CTIF: variants seen among roughly 807,000 people sequenced by gnomAD.
CTIF encodes CBP80/20-dependent translation initiation factor.
In CTIF, 21 loss-of-function variants were observed where a neutral mutation model predicts 66.0. The observed-to-expected ratio is 0.32, with a 90% CI of 0.23 to 0.46. The LOEUF (loss-of-function observed/expected upper bound fraction) is 0.46, where lower values mean the gene tolerates loss of function less well. Among genes scored for constraint, CTIF ranks in the 20% least tolerant of loss-of-function variants. The pLI, the probability that CTIF is intolerant of heterozygous loss-of-function variation, is 1.00. For synonymous variants in CTIF, 345 were observed against 326.4 expected, an observed-to-expected ratio of 1.06 and a Z score of -0.62; for missense variants, 739 against 812.7, an observed-to-expected ratio of 0.91 and a Z score of 1.10.
intron 10 of CTIF, among the ~76,000 whole-genome samples, chr18:48,849,427 G>C (rs1568267881): frequency 2.6e-5 from 4 of 151,440 alleles, no homozygotes; most frequent in Admixed American, 2.0e-4. Context: ...TAAACTCCTG[G>C]ACTCAAGTGA....
At chr18:48,787,377 G>A (rs1911807471) in intron 9 of CTIF, among the ~76,000 whole-genome samples, 1 of 152,104 alleles carries the variant, frequency 6.6e-6, no homozygotes, top group South Asian at 2.1e-4. Context: ...GAGGGCAGGA[G>A]GAAGGGAGAG....
chr18:48,548,503 T>C (rs1428264462), intron 1 of CTIF, among the ~76,000 whole-genome samples: 5 of 152,212 alleles, frequency 3.3e-5, no homozygotes, highest in Admixed American at 6.5e-5. Context: ...TGTTCCTCCA[T>C]CTCCTTGATG....
chr18:48,714,489 G>T lies in CTIF; in HGVS notation c.584+2794G>T, dbSNP rs139376518. 3.0e-3 allele frequency among the ~76,000 whole-genome samples: 463 copies of T among 152,256 alleles called. 3 individuals carry two copies. Among genetic ancestry groups the T allele is most frequent in the African/African-American group, 0.011 (441 of 41,548 alleles). On this transcript the variant is annotated intron_variant, in intron 7 of 11. Transcript: ENST00000256413. Reference sequence around the variant, plus strand: ...TTTCCATCTTCCTGCAAAGTGGCTGGAGTTGGTGTCCGATAGCTGCAAACT... The same window carrying T: ...TTTCCATCTTCCTGCAAAGTGGCTGTAGTTGGTGTCCGATAGCTGCAAACT...
intron 1 of CTIF, among the ~76,000 whole-genome samples, chr18:48,573,101 G>A (rs551477152): frequency 3.9e-5 from 6 of 152,146 alleles, no homozygotes; most frequent in Non-Finnish European, 8.8e-5. Context: ...ACATGTGGCT[G>A]AAGCAGTCTT....
chr18:48,769,268 G>C (rs940905916), intron 9 of CTIF, among the ~76,000 whole-genome samples: 11 of 152,206 alleles, frequency 7.2e-5, no homozygotes, highest in African/African-American at 2.4e-4. Context: ...TCCAAAGCTT[G>C]AGCAAAAGCC....
At chr18:48,729,025 G>A (rs1455316728) in intron 7 of CTIF, among the ~76,000 whole-genome samples, 1 of 152,140 alleles carries the variant, frequency 6.6e-6, no homozygotes, top group African/African-American at 2.4e-5. Context: ...GGGTTTTTGT[G>A]TGTTCTGATT....
At chr18:48,766,730 T>C (rs541864646) in intron 9 of CTIF, among the ~76,000 whole-genome samples, 12 of 152,268 alleles carry the variant, frequency 7.9e-5, no homozygotes, top group African/African-American at 2.4e-4. Flanking sequence ...TGCTGAGCCA[T>C]GGGGGAAAAC....
Position 48,558,352 on chromosome 18 carries a change from G to A in CTIF, c.-29+19040G>A, listed in dbSNP as rs1599139423. On this transcript the variant is annotated intron_variant, in intron 1 of 11. Transcript: ENST00000256413. ...ATAAAAAGTCAGTACAAGGTCAATA[G>A]TAATGTTACAGTTGGTACACGGGTA... 4.6e-5 allele frequency among the ~76,000 whole-genome samples: 7 copies of A among 152,362 alleles called. 1 individual carries two copies. Among genetic ancestry groups the A allele is most frequent in the Admixed American group, 6.5e-5 (1 of 15,306 alleles).
intron 7 of CTIF, among the ~76,000 whole-genome samples, chr18:48,750,828 G>A (rs566708297): frequency 2.0e-5 from 3 of 152,344 alleles, no homozygotes; most frequent in Non-Finnish European, 4.4e-5. Context: ...TTTGGCTGAG[G>A]CCTGTGGTCC....
intron 7 of CTIF, among the ~76,000 whole-genome samples, chr18:48,730,390 C>CGG (rs2092435216): frequency 7.9e-6 from 1 of 127,378 alleles, no homozygotes; most frequent in Non-Finnish European, 1.7e-5. Flanking sequence ...GGGGCTCCTG[C>CGG]TGTGTGAGGG....
intron 9 of CTIF, among the ~76,000 whole-genome samples, chr18:48,792,079 A>G (rs1299895123): frequency 6.6e-6 from 1 of 152,236 alleles, no homozygotes; most frequent in Non-Finnish European, 1.5e-5. Context: ...TCTGCAAATA[A>G]GTAAATTTCC....
chr18:48,610,939 T>C (rs2090296980), intron 1 of CTIF, among the ~76,000 whole-genome samples: 1 of 152,202 alleles, frequency 6.6e-6, no homozygotes, highest in African/African-American at 2.4e-5. Context: ...AACTGCCTGA[T>C]GTTGATGATT....
chr18:48,761,599 C>T lies in CTIF; in HGVS notation c.1281C>T (p.Phe427=), dbSNP rs755745167. ...AGAAGGCTGTGTCCGACCGCAGCTT[C>T]GCCTTCACCGCTGCCAAGCTCTGCG... ...IYQKAVSDRS[F]AFTAAKLCDK... Residue 427 remains phenylalanine (F), a synonymous_variant, in exon 9 of 12, where the codon TTC becomes TTT. Transcript: ENST00000256413. The surrounding 1 kb of genome is among the most constrained non-coding windows in gnomAD (Gnocchi z 4.2). 3.7e-6 allele frequency: 6 copies of T among 1,614,222 alleles called. No individual in the cohort carries two copies. Among genetic ancestry groups the T allele is most frequent in the Non-Finnish European group, 4.2e-6 (5 of 1,180,046 alleles).
intron 6 of CTIF, among the ~76,000 whole-genome samples, chr18:48,671,477 A>G (rs2091534032): frequency 6.6e-6 from 1 of 151,940 alleles, no homozygotes; most frequent in Admixed American, 6.6e-5. Flanking sequence ...TTCTCCTGCT[A>G]TTTTATCTAT....
intron 10 of CTIF, among the ~76,000 whole-genome samples, chr18:48,837,909 A>G (rs1293108108): frequency 6.6e-6 from 1 of 151,756 alleles, no homozygotes; most frequent in Non-Finnish European, 1.5e-5. Flanking sequence ...CCCCACACCC[A>G]CACCCTCCCT....
intron 10 of CTIF, among the ~76,000 whole-genome samples, chr18:48,839,234 T>G (rs1178417856): frequency 6.6e-6 from 1 of 152,172 alleles, no homozygotes; most frequent in Non-Finnish European, 1.5e-5. Flanking sequence ...ACCCTCTCTC[T>G]GAGCACTCCT....
At chr18:48,669,365 A>G (rs1283682287) in intron 5 of CTIF, among the ~76,000 whole-genome samples, 1 of 152,146 alleles carries the variant, frequency 6.6e-6, no homozygotes, top group Non-Finnish European at 1.5e-5. Flanking sequence ...ATAGTAACTG[A>G]CAATACTTAC....
At chr18:48,748,477 G>A (rs981059447) in intron 7 of CTIF, among the ~76,000 whole-genome samples, 1 of 152,118 alleles carries the variant, frequency 6.6e-6, no homozygotes, top group African/African-American at 2.4e-5. Context: ...TAGAGGTGTG[G>A]GACAGCATGG....
At chr18:48,741,606 G>A in intron 7 of CTIF, among the ~76,000 whole-genome samples, 1 of 152,080 alleles carries the variant, frequency 6.6e-6, no homozygotes, top group African/African-American at 2.4e-5. Flanking sequence ...TGTATTTTTA[G>A]TAGGGATGAG....
Sources: gnomAD v4.1 joint callset for allele counts (sites outside exome capture counted in the v4.1 genomes callset) on GRCh38, gnomAD v4.1.1 for gene constraint, Gnocchi (gnomAD v3.1) non-coding constraint, MANE v1.5 for transcripts, NCBI Gene and HGNC (gene_info 2026-07-23, HGNC 2026-07-21) for gene names.